Variants in NAALADL2 observed in about 807,000 individuals in gnomAD.
The protein encoded by NAALADL2 is inactive N-acetylated-alpha-linked acidic dipeptidase-like protein 2.
In NAALADL2, 76 loss-of-function variants were observed where a neutral mutation model predicts 87.2. The observed-to-expected ratio is 0.87, with a 90% CI of 0.72 to 1.05. The LOEUF (loss-of-function observed/expected upper bound fraction) is 1.05. NAALADL2 is among the 50% of genes least tolerant of loss of function. NAALADL2 has a pLI of 0.00. For missense variants in NAALADL2, 1,089 were observed against 945.8 expected (o/e 1.15, Z -1.99); for synonymous variants, 354 against 331.0 (o/e 1.07, Z -0.75).
At chr3:175,245,227 A>G (rs1390082260) in intron 3 of NAALADL2, among the ~76,000 whole-genome samples, 1 of 152,178 alleles carries the variant, frequency 6.6e-6, no homozygotes, top group Non-Finnish European at 1.5e-5. Context: ...ATGTTGACCA[A>G]ATAATACGAA....
At chr3:175,167,728 T>G (rs1734196359) in intron 2 of NAALADL2, among the ~76,000 whole-genome samples, 1 of 152,032 alleles carries the variant, frequency 6.6e-6, no homozygotes, top group Non-Finnish European at 1.5e-5. Flanking sequence ...CCATCCCCAC[T>G]TCTCATGCTG....
At chr3:175,222,596 T>C (rs1181030133) in intron 2 of NAALADL2, among the ~76,000 whole-genome samples, 1 of 152,154 alleles carries the variant, frequency 6.6e-6, no homozygotes, top group Non-Finnish European at 1.5e-5. Flanking sequence ...CCTCCCATTA[T>C]TGTCTACAGG....
intron 5 of NAALADL2, among the ~76,000 whole-genome samples, chr3:175,394,445 T>A (rs570122907): frequency 3.3e-5 from 5 of 152,322 alleles, no homozygotes; most frequent in Non-Finnish European, 5.9e-5. Context: ...TTTATTCCTG[T>A]AACAAAATAT....
At chr3:175,576,020 A>G (rs1718826719) in intron 9 of NAALADL2, 21 bp from the exon 10 acceptor site, 1 of 1,603,128 alleles carries the variant, frequency 6.2e-7, no homozygotes, top group African/African-American at 1.3e-5. Flanking sequence ...ATGTGTTAAC[A>G]ATTTAAATTA....
intron 11 of NAALADL2, among the ~76,000 whole-genome samples, chr3:175,706,447 C>G (rs1279725312): frequency 6.6e-6 from 1 of 152,062 alleles, no homozygotes; most frequent in Non-Finnish European, 1.5e-5. Context: ...GTAATAAAAA[C>G]TGTAATAAAA....
intron 2 of NAALADL2, among the ~76,000 whole-genome samples, chr3:175,232,130 G>GGGAAGA (rs557610533): frequency 2.6e-5 from 4 of 151,456 alleles, no homozygotes; most frequent in Non-Finnish European, 4.4e-5. Flanking sequence ...GAAGGAGAAG[G>GGGAAGA]GGAAGAGGAA....
At chr3:174,441,183 G>A (rs1344655340) in intron 1 of NAALADL2, among the ~76,000 whole-genome samples, 1 of 152,014 alleles carries the variant, frequency 6.6e-6, no homozygotes, top group African/African-American at 2.4e-5. Context: ...CCTGCGCGGG[G>A]CCCGGGGCGC....
intron 1 of NAALADL2, among the ~76,000 whole-genome samples, chr3:174,996,819 T>C (rs1230207276): frequency 1.3e-5 from 2 of 152,164 alleles, no homozygotes; most frequent in East Asian, 3.9e-4. Flanking sequence ...CCCCAAAGTT[T>C]ATTATGTTAT....
rs540263929 is a variant in NAALADL2, at chr3:175,649,909, GA to G, written c.1896+22530del. On this transcript the variant is annotated intron_variant, in intron 11 of 13. Transcript: ENST00000454872. ...TGAGTTTTATATCTTTAACTCTAAA[GA>G]AAAAAAGTTCTGTTTATATACTATG... is the stretch of plus-strand genomic sequence containing the variant. Among the ~76,000 whole-genome samples the G allele has an allele frequency of 1.1e-3, 162 of 151,526 alleles. 1 individual carries two copies. Among genetic ancestry groups the G allele is most frequent in the African/African-American group, 3.7e-3 (154 of 41,336 alleles).
chr3:174,989,945 T>C (rs547310316), intron 1 of NAALADL2, among the ~76,000 whole-genome samples: 85 of 152,268 alleles, frequency 5.6e-4, no homozygotes, highest in African/African-American at 2.0e-3. Context: ...TGTTTTAATA[T>C]AATAAATTTA....
intron 2 of NAALADL2, among the ~76,000 whole-genome samples, chr3:174,571,569 A>C (rs1008467338): frequency 6.6e-6 from 1 of 151,848 alleles, no homozygotes; most frequent in Non-Finnish European, 1.5e-5. Flanking sequence ...AGTAGAGACG[A>C]GGTTTCTCCA....
At chr3:174,678,937 T>C (rs1401589374) in intron 2 of NAALADL2, among the ~76,000 whole-genome samples, 1 of 152,194 alleles carries the variant, frequency 6.6e-6, no homozygotes, top group Non-Finnish European at 1.5e-5. Context: ...TATCTACTTT[T>C]CTCCTTGGCT....
chr3:174,469,455 G>A (rs2108307392), intron 1 of NAALADL2, among the ~76,000 whole-genome samples: 1 of 150,822 alleles, frequency 6.6e-6, no homozygotes, highest in East Asian at 2.0e-4. Flanking sequence ...TTGAGATGGA[G>A]TCTCGCTCTG....
intron 9 of NAALADL2, among the ~76,000 whole-genome samples, chr3:175,536,936 C>G (rs1481226368): frequency 2.6e-5 from 4 of 152,104 alleles, no homozygotes; most frequent in African/African-American, 9.7e-5. Context: ...GAGCAGAGAT[C>G]GCGCCACTGC....
At position 175,806,346 on chromosome 3, in the gene NAALADL2, T is replaced by TAAGTC. The variant is rs1202945965; in HGVS notation, c.*3146_*3150dup. On this transcript the variant is annotated 3_prime_UTR_variant, in exon 14 of 14. Coordinates refer to ENST00000454872, the MANE Select transcript of NAALADL2 (RefSeq NM_207015.3). ...GTAAGAGGGCAAGTCAGGCCAGTGT[T>TAAGTC]AAGTCAACAATCTAAATCACCGTTT... 6.6e-6 allele frequency: 1 copy of TAAGTC among 151,898 alleles called. No individual in the cohort carries two copies. The highest frequency in any genetic ancestry group is 1.5e-5 in the Non-Finnish European group (1 of 67,870). 9.4% of individuals were successfully genotyped at this position (151,898 alleles called of 1,614,324 possible). A position where few individuals can be genotyped will look rare whatever the true frequency, so the allele number is the denominator to read the frequency against.
chr3:175,712,394 A>G (rs966137324), intron 11 of NAALADL2, among the ~76,000 whole-genome samples: 1 of 152,026 alleles, frequency 6.6e-6, no homozygotes, highest in African/African-American at 2.4e-5. Context: ...CCTTGCTGAG[A>G]TGAAGTGAAG....
rs553268428 is a variant in NAALADL2, at chr3:174,576,052, A to G, written c.-115+25415A>G. Among the ~76,000 whole-genome samples, 5 of 152,046 alleles carry G rather than the reference A, an allele frequency of 3.3e-5. No individual in the cohort carries two copies. In the South Asian group the frequency reaches 6.2e-4, roughly 19 times the overall value. ...CTAATTTTGTATTTTTAGTAGAGAC[A>G]GGGCTTTGCCATGTTGGTCAGGCTG... On this transcript the variant is annotated intron_variant, in intron 2 of 3. Coordinates refer to the NAALADL2 transcript ENST00000434257.
At chr3:175,463,047 T>A (rs1490038095) in intron 6 of NAALADL2, among the ~76,000 whole-genome samples, 9 of 152,178 alleles carry the variant, frequency 5.9e-5, no homozygotes, top group Non-Finnish European at 1.3e-4. Flanking sequence ...TAATCTATTT[T>A]TTTCTGTTTT....
At chr3:175,336,480 G>A (rs1487425576) in intron 5 of NAALADL2, among the ~76,000 whole-genome samples, 1 of 152,114 alleles carries the variant, frequency 6.6e-6, no homozygotes, top group Non-Finnish European at 1.5e-5. Context: ...GAAATGTATG[G>A]TTTGTACCTC....
Sources: gnomAD v4.1 joint callset for allele counts (sites outside exome capture counted in the v4.1 genomes callset) on GRCh38, gnomAD v4.1.1 for gene constraint, MANE v1.5 for transcripts, NCBI Gene and HGNC (gene_info 2026-07-23, HGNC 2026-07-21) for gene names.